The following PARP16 variants were observed in gnomAD, a reference collection of about 807,000 sequenced individuals.
PARP16 encodes poly(ADP-ribose) polymerase family member 16.
Under a neutral mutation model 35.0 loss-of-function variants are expected in PARP16, and 31 were observed. The observed-to-expected ratio is 0.88, with a 90% CI of 0.66 to 1.19. The LOEUF is 1.19. Ranked by LOEUF, PARP16 falls within the 50% of genes most tolerant of loss-of-function variation. The pLI is 0.00. For missense variants in PARP16, 424 were observed against 411.2 expected, an observed-to-expected ratio of 1.03 and a Z score of -0.27; for synonymous variants, 162 against 169.5, an observed-to-expected ratio of 0.96 and a Z score of 0.34.
intron 2 of PARP16, among the ~76,000 whole-genome samples, chr15:65,252,639 C>T (rs973754941): frequency 6.6e-6 from 1 of 152,144 alleles, no homozygotes; most frequent in Admixed American, 6.5e-5. Context: ...AGTTTGATTC[C>T]AGCGGCCCCA....
intron 1 of PARP16, among the ~76,000 whole-genome samples, chr15:65,285,087 T>C (rs910605150): frequency 6.6e-6 from 1 of 151,808 alleles, no homozygotes; most frequent in Non-Finnish European, 1.5e-5. Context: ...GCCTTTTTCT[T>C]CTTTTTCTAC....
At chr15:65,276,999 T>G (rs546707042) in intron 1 of PARP16, among the ~76,000 whole-genome samples, 1 of 151,640 alleles carries the variant, frequency 6.6e-6, no homozygotes, top group African/African-American at 2.4e-5. Flanking sequence ...AAAAAAAAAT[T>G]ATTGGTTGCT....
chr15:65,252,000 G>A (rs1171863183), intron 2 of PARP16, among the ~76,000 whole-genome samples: 1 of 152,022 alleles, frequency 6.6e-6, no homozygotes, highest in South Asian at 2.1e-4. Flanking sequence ...TCCTGACCTC[G>A]TGATCCACCC....
chr15:65,270,088 A>T (rs551265606), intron 2 of PARP16, among the ~76,000 whole-genome samples: 1 of 152,336 alleles, frequency 6.6e-6, no homozygotes, highest in Non-Finnish European at 1.5e-5. Flanking sequence ...GCCACATAGG[A>T]AAGATGTGTG....
At chr15:65,250,707 A>G (rs1345964278) in intron 2 of PARP16, among the ~76,000 whole-genome samples, 2 of 152,118 alleles carry the variant, frequency 1.3e-5, no homozygotes, top group Non-Finnish European at 2.9e-5. Context: ...GTTTACAGCC[A>G]CAGCCCTGGT....
chr15:65,256,913 A>T (rs902254837), downstream of PARP16, among the ~76,000 whole-genome samples: 12 of 152,218 alleles, frequency 7.9e-5, no homozygotes, highest in African/African-American at 2.9e-4. Context: ...GAGATTGGTT[A>T]TGTGATTGAC....
chr15:65,242,845 G>A (rs1006696943), intron 3 of PARP16, among the ~76,000 whole-genome samples: 2 of 152,004 alleles, frequency 1.3e-5, no homozygotes, highest in Non-Finnish European at 2.9e-5. Context: ...CTCCTGAGTA[G>A]CTGGGATTAC....
chr15:65,253,143 A>C (rs1018039178), downstream of PARP16, among the ~76,000 whole-genome samples: 70 of 141,904 alleles, frequency 4.9e-4, no homozygotes, highest in East Asian at 2.2e-3. Flanking sequence ...CAAAAAAAAA[A>C]AAAACAAAAC....
In PARP16 at chr15:65,268,207, C is replaced by CAT. The variant is rs368089032; in HGVS notation, c.313-1441_313-1440dup. Among the ~76,000 whole-genome samples the CAT allele has an allele frequency of 5.1e-3, 778 of 152,244 alleles. 6 individuals are homozygous for CAT. Among genetic ancestry groups the CAT allele is most frequent in the African/African-American group, 0.018 (735 of 41,522 alleles). On this transcript the variant is annotated intron_variant, in intron 2 of 5. Transcript: ENST00000649807. ...CCTGCTTTGGCCAACGGGACATTAA[C>CAT]ATATATATAGCAAACAGAGACTTGA...
intron 5 of PARP16, among the ~76,000 whole-genome samples, chr15:65,260,220 T>C (rs1349504003): frequency 1.3e-5 from 2 of 152,074 alleles, no homozygotes; most frequent in African/African-American, 4.8e-5. Context: ...AAGTGACCCC[T>C]TTTCCTGTCA....
chr15:65,263,439 T>C, intron 3 of PARP16, 119 bp from the exon 4 acceptor site: 1 of 737,202 alleles, frequency 1.4e-6, no homozygotes, highest in Non-Finnish European at 2.2e-6. Flanking sequence ...CCCCCGCTTT[T>C]TGCCCCAGCA....
At chr15:65,284,210 C>T (rs567693519) in intron 1 of PARP16, among the ~76,000 whole-genome samples, 1 of 152,246 alleles carries the variant, frequency 6.6e-6, no homozygotes, top group East Asian at 1.9e-4. Context: ...TTTTGCATTC[C>T]TGGGATGAAC....
chr15:65,247,491 C>A (rs2089240236), intron 3 of PARP16, among the ~76,000 whole-genome samples: 1 of 152,170 alleles, frequency 6.6e-6, no homozygotes. Flanking sequence ...AGGAATCAAT[C>A]ACCCTCCTTC....
At chr15:65,281,771 T>C (rs1184164723) in intron 1 of PARP16, among the ~76,000 whole-genome samples, 1 of 151,696 alleles carries the variant, frequency 6.6e-6, no homozygotes, top group African/African-American at 2.4e-5. Flanking sequence ...ATTTGGGACT[T>C]TGAGGACAGT....
intron 2 of PARP16, among the ~76,000 whole-genome samples, chr15:65,252,194 A>G (rs150474216): frequency 1.7e-3 from 254 of 152,278 alleles, no homozygotes; most frequent in Non-Finnish European, 2.7e-3. Flanking sequence ...CCCAAGACCA[A>G]TGAGAGTGGG....
intron 1 of PARP16, among the ~76,000 whole-genome samples, chr15:65,279,085 C>G (rs1261120095): frequency 1.3e-5 from 2 of 151,970 alleles, no homozygotes; most frequent in African/African-American, 4.8e-5. Context: ...GCATGGGGAC[C>G]CTAAAGGGTT....
chr15:65,280,418 C>T (rs1595719888), intron 1 of PARP16, among the ~76,000 whole-genome samples: 1 of 122,816 alleles, frequency 8.1e-6, no homozygotes, highest in African/African-American at 3.2e-5. Flanking sequence ...AACTGGGCAA[C>T]AGAGCAAGAA....
intron 3 of PARP16, chr15:65,248,050 C>T (rs1242005025): frequency 5.0e-6 from 2 of 403,884 alleles, no homozygotes; most frequent in Non-Finnish European, 1.0e-5. Context: ...GTGATCCGCC[C>T]GCCTCGGCCT....
chr15:65,266,984 G>A (rs1378622665), intron 2 of PARP16, among the ~76,000 whole-genome samples: 2 of 152,132 alleles, frequency 1.3e-5, no homozygotes, highest in Non-Finnish European at 2.9e-5. Flanking sequence ...GCTCACACCT[G>A]TAATCCCAAA....
Sources: allele counts gnomAD v4.1 joint callset (sites outside exome capture counted in the v4.1 genomes callset), GRCh38; gene constraint gnomAD v4.1.1; transcripts MANE v1.5; gene names NCBI Gene and HGNC (gene_info 2026-07-23, HGNC 2026-07-21).